AFF2: variants seen among roughly 807,000 people sequenced by gnomAD.
AFF2 encodes AF4/FMR2 family member 2.
A neutral mutation model predicts 76.9 loss-of-function variants in AFF2; 14 were observed. The ratio of observed to expected loss-of-function variants is 0.18; its 90% confidence interval spans 0.12 to 0.28. The LOEUF (loss-of-function observed/expected upper bound fraction) is 0.28. Among genes scored for constraint, AFF2 ranks in the 10% least tolerant of loss-of-function variants. The pLI is 1.00. For synonymous variants in AFF2, 398 were observed against 366.7 expected (o/e 1.09, Z -0.98); for missense variants, 868 against 1,001.1 (o/e 0.87, Z 1.79).
intron 1 of AFF2, among the ~76,000 whole-genome samples, chrX:148,539,160 G>A (rs1358171094): frequency 8.9e-6 from 1 of 111,831 alleles, no homozygotes; most frequent in Non-Finnish European, 1.9e-5. Flanking sequence ...CCCTATGAGA[G>A]TTACAGGAAG....
At chrX:148,983,968 A>AAAAAAAAAAAAAAAAAAG (rs1431816827) in intron 19 of AFF2, among the ~76,000 whole-genome samples, 3 of 103,450 alleles carry the variant, frequency 2.9e-5, no homozygotes, top group Admixed American at 1.1e-4. Flanking sequence ...AAAAAAAAAA[A>AAAAAAAAAAAAAAAAAAG]CTGCCCTCAT....
At chrX:148,929,687 G>T (rs782545828) in intron 9 of AFF2, among the ~76,000 whole-genome samples, 1 of 111,879 alleles carries the variant, frequency 8.9e-6, no homozygotes, top group Non-Finnish European at 1.9e-5. Flanking sequence ...CTCACTAGTC[G>T]TAGCTTAGCT....
At position 148,763,645 on chromosome X, in the gene AFF2, C is replaced by T. The variant is rs2069478897; in HGVS notation, c.1042-46231C>T. Among the ~76,000 whole-genome samples the T allele has an allele frequency of 3.6e-5, 4 of 111,693 alleles. No individual in the cohort carries two copies. The South Asian group carries it at 1.5e-3, about 42-fold the overall frequency. ...AGAAAGAATAGAAAGGTAGGTGGAA[C>T]ATAAAAGAACAACAGCCAACATTGA... On this transcript the variant is annotated intron_variant, in intron 3 of 20. Coordinates refer to ENST00000370460, the MANE Select transcript of AFF2 (RefSeq NM_002025.4).
intron 3 of AFF2, among the ~76,000 whole-genome samples, chrX:148,700,307 C>T (rs906101005): frequency 5.4e-5 from 6 of 111,220 alleles, no homozygotes; most frequent in Non-Finnish European, 5.7e-5. Flanking sequence ...ACTCCCAGGG[C>T]AGGCTCTCGT....
At chrX:148,967,228 T>A in intron 14 of AFF2, 149 bp downstream of exon 14, 1 of 835,048 alleles carries the variant, frequency 1.2e-6, no homozygotes, top group Non-Finnish European at 1.6e-6. Context: ...ACCCCCTGCA[T>A]ACACACTCAC....
intron 4 of AFF2, among the ~76,000 whole-genome samples, chrX:148,821,386 G>A (rs1235678198): frequency 1.8e-5 from 2 of 110,848 alleles, no homozygotes; most frequent in Non-Finnish European, 3.8e-5. Flanking sequence ...GAGGCACTGT[G>A]CTCCCCCAGT....
intron 3 of AFF2, among the ~76,000 whole-genome samples, chrX:148,735,041 C>T (rs1264459912): frequency 2.7e-5 from 3 of 111,976 alleles, no homozygotes; most frequent in Non-Finnish European, 3.8e-5. Flanking sequence ...TATTAGGCAT[C>T]GATTCATATA....
intron 5 of AFF2, among the ~76,000 whole-genome samples, chrX:148,839,894 G>GGTGTGTGTGTGTGT (rs200060298): frequency 1.1e-3 from 99 of 87,024 alleles, no homozygotes; most frequent in African/African-American, 3.7e-3. Context: ...GTTGGGGCAT[G>GGTGTGTGTGTGTGT]GTGTGTGTGT....
At chrX:148,755,826 T>C (rs2055555338) in intron 3 of AFF2, among the ~76,000 whole-genome samples, 1 of 111,731 alleles carries the variant, frequency 9.0e-6, no homozygotes, top group African/African-American at 3.3e-5. Flanking sequence ...CACCCAAATA[T>C]CTTCCCTGAA....
At chrX:148,562,493 G>T (rs2124309690) in intron 1 of AFF2, among the ~76,000 whole-genome samples, 1 of 111,684 alleles carries the variant, frequency 9.0e-6, no homozygotes, top group Non-Finnish European at 1.9e-5. Flanking sequence ...ATAGCTACGG[G>T]TAACAAGCCA....
At chrX:148,942,291 G>A (rs927368780) in intron 9 of AFF2, among the ~76,000 whole-genome samples, 6 of 109,501 alleles carry the variant, frequency 5.5e-5, no homozygotes, top group African/African-American at 2.0e-4. Flanking sequence ...GACAAAAGTC[G>A]CATTTCTGTT....
chrX:148,692,452 A>G (rs2054663918), intron 3 of AFF2, among the ~76,000 whole-genome samples: 1 of 112,205 alleles, frequency 8.9e-6, no homozygotes, highest in Non-Finnish European at 1.9e-5. Context: ...GACCCACAGT[A>G]TTCCAGAAAA....
intron 1 of AFF2, among the ~76,000 whole-genome samples, chrX:148,568,648 T>C (rs1206389869): frequency 5.4e-5 from 6 of 112,045 alleles, no homozygotes; most frequent in African/African-American, 1.6e-4. Context: ...TTACTTTGTA[T>C]GTAAATAATC....
chrX:148,752,639 A>G (rs16994700), intron 3 of AFF2, among the ~76,000 whole-genome samples: 19,806 of 111,377 alleles, frequency 0.18, 1,528 homozygotes, highest in African/African-American at 0.26. Context: ...AGAACATATC[A>G]CTTTGGGGAC....
chrX:148,740,890 A>G (rs1557265576), intron 3 of AFF2, among the ~76,000 whole-genome samples: 1 of 111,603 alleles, frequency 9.0e-6, no homozygotes, highest in Non-Finnish European at 1.9e-5. Flanking sequence ...GGCTTCCTGT[A>G]AGCCAAACTG....
chrX:148,623,371 A>T (rs2053889817), intron 1 of AFF2, among the ~76,000 whole-genome samples: 1 of 110,598 alleles, frequency 9.0e-6, no homozygotes, highest in African/African-American at 3.3e-5. Flanking sequence ...TCTTTTTAAG[A>T]TCTGTGTGAA....
intron 1 of AFF2, among the ~76,000 whole-genome samples, chrX:148,647,279 T>A (rs1557255582): frequency 8.9e-6 from 1 of 112,650 alleles, no homozygotes; most frequent in Non-Finnish European, 1.9e-5. Context: ...TTTACCTTCA[T>A]GTACACCATT....
In AFF2 at chrX:148,991,440, G is replaced by A; in HGVS notation, c.*108G>A. 1 of 929,434 alleles carries A rather than the reference G, an allele frequency of 1.1e-6. No individual in the cohort carries two copies. Among genetic ancestry groups the A allele is most frequent in the Admixed American group, 3.7e-5 (1 of 26,944 alleles). The allele number at this position is 929,434 out of a possible 1,213,427, so 76.6% of individuals were successfully genotyped here. ...ACTGGGGAACGTTCTCTTTGGTTAT[G>A]TTTGTTTTTATGCTTCTTTTGTTAT... is the stretch of plus-strand genomic sequence containing the variant. On this transcript the variant is annotated 3_prime_UTR_variant, in exon 21 of 21. Coordinates refer to ENST00000370460, the MANE Select transcript of AFF2 (RefSeq NM_002025.4).
chrX:148,657,765 A>T (rs375871005), intron 2 of AFF2, among the ~76,000 whole-genome samples: 2 of 112,477 alleles, frequency 1.8e-5, no homozygotes, highest in African/African-American at 6.5e-5. Context: ...GTAAATAATT[A>T]GCCAAATTGA....
Sources: allele counts gnomAD v4.1 joint callset (sites outside exome capture counted in the v4.1 genomes callset), GRCh38; gene constraint gnomAD v4.1.1; transcripts MANE v1.5; gene names NCBI Gene and HGNC (gene_info 2026-07-23, HGNC 2026-07-21).